Variants in NGDN observed in about 807,000 individuals in gnomAD.
NGDN encodes EIF4E-binding protein.
A neutral mutation model predicts 45.2 loss-of-function variants in NGDN; 41 were observed. The observed-to-expected ratio is 0.91, with a 90% CI of 0.71 to 1.18. The LOEUF is 1.18. Among genes scored for constraint, NGDN ranks in the 50% most tolerant of loss-of-function variants. NGDN has a pLI of 0.00. For missense variants in NGDN, 402 were observed against 399.9 expected, an observed-to-expected ratio of 1.01 and a Z score of -0.05; for synonymous variants, 137 against 130.9, an observed-to-expected ratio of 1.05 and a Z score of -0.32.
At position 23,470,066 on chromosome 14, in the gene NGDN, A is replaced by G; in HGVS notation, c.37A>G (p.Ser13Gly). 1 of 1,614,110 alleles carries G rather than the reference A, an allele frequency of 6.2e-7. No individual in the cohort carries two copies. The highest frequency in any genetic ancestry group is 1.7e-5 in the Admixed American group (1 of 60,014). Residue 13 changes from serine to glycine, a missense_variant, in exon 2 of 11, where the codon AGT (serine) becomes GGT (glycine). Physicochemically the swap from Ser to Gly is moderately conservative, Grantham distance 56. Coordinates refer to ENST00000408901, the MANE Select transcript of NGDN (RefSeq NM_001042635.2). ...GGGGGTGCTGGAGTCCGACCTGCCA[A>G]GTGCCGTGACACTTCTGAAAAATCT... is the stretch of plus-strand genomic sequence containing the variant. Reference protein sequence around the residue: ...ALGVLESDLPSAVTLLKNLQE... With the variant: ...ALGVLESDLPGAVTLLKNLQE...
At chr14:23,477,851 T>G (rs1477647587) in intron 10 of NGDN, 156 bp from the exon 11 acceptor site, 2 of 1,507,786 alleles carry the variant, frequency 1.3e-6, no homozygotes, top group Non-Finnish European at 1.8e-6. Flanking sequence ...ATTTCAATTT[T>G]ATTCCTACTT....
In NGDN at chr14:23,475,539, A is replaced by T. The variant is rs1184429111; in HGVS notation, c.283-19A>T. The T allele has an allele frequency of 6.2e-7, 1 of 1,611,086 alleles. No homozygotes were observed. ...ATTTTGGGAAGGAAATATAATCCTG[A>T]TTAACTACCATGTTGTAGGTTTTGG... is the stretch of plus-strand genomic sequence containing the variant. On this transcript the variant is annotated intron_variant, in intron 4 of 10. Transcript: ENST00000408901.
chr14:23,477,141 G>A, intron 8 of NGDN, 59 bp from the exon 9 acceptor site: 2 of 1,567,164 alleles, frequency 1.3e-6, no homozygotes, highest in Non-Finnish European at 1.7e-6. Flanking sequence ...CCCAGGTTGT[G>A]GGCTGGAGCT....
At position 23,475,661 on chromosome 14, in the gene NGDN, A is replaced by G. The variant is rs45483991; in HGVS notation, c.367+19A>G. On this transcript the variant is annotated intron_variant, in intron 5 of 10. Transcript: ENST00000408901. ...AGCCTTAGTAAGTGAGGAGACCATCATGAAGTTGTGGGGACCATCAGAAAG... is the reference window on the plus strand; with the variant it reads ...AGCCTTAGTAAGTGAGGAGACCATCGTGAAGTTGTGGGGACCATCAGAAAG... The G allele has an allele frequency of 0.023, 37,838 of 1,613,892 alleles. 516 individuals carry two copies. Among genetic ancestry groups the G allele is most frequent in the Non-Finnish European group, 0.028 (32,547 of 1,179,734 alleles).
At chr14:23,477,881 A>G in intron 10 of NGDN, 126 bp from the exon 11 acceptor site, 1 of 1,571,300 alleles carries the variant, frequency 6.4e-7, no homozygotes, top group South Asian at 1.2e-5. Flanking sequence ...TGTCCTGGGA[A>G]GATATTCAGG....
chr14:23,478,314 CA>C, downstream of NGDN: 1 of 361,762 alleles, frequency 2.8e-6, no homozygotes, highest in Non-Finnish European at 5.0e-6. Flanking sequence ...ATATTTTTCC[CA>C]AAAACTAAAA....
intron 3 of NGDN, among the ~76,000 whole-genome samples, chr14:23,471,993 C>A (rs1893788160): frequency 6.6e-6 from 1 of 151,440 alleles, no homozygotes; most frequent in Non-Finnish European, 1.5e-5. Context: ...GGGTTTGAGA[C>A]CAGCCTGGGC....
At chr14:23,475,683 A>C in intron 5 of NGDN, 41 bp downstream of exon 5, 1 of 1,613,946 alleles carries the variant, frequency 6.2e-7, no homozygotes, top group Non-Finnish European at 8.5e-7. Context: ...GGACCATCAG[A>C]AAGTTCCAAA....
At chr14:23,475,980 C>T (rs1325806309) in intron 6 of NGDN, 49 bp from the exon 7 acceptor site, 1 of 1,612,576 alleles carries the variant, frequency 6.2e-7, no homozygotes. Flanking sequence ...TTTCTTCTCA[C>T]TTATCTCATG....
At chr14:23,470,848 A>G (rs1893759967) in intron 2 of NGDN, 58 bp from the exon 3 acceptor site, 1 of 1,368,004 alleles carries the variant, frequency 7.3e-7, no homozygotes, top group South Asian at 1.3e-5. Context: ...TGCTCTTCAC[A>G]GTTTGCAGAC....
Position 23,470,273 on chromosome 14 carries a change from A to G in NGDN, c.72+172A>G, listed in dbSNP as rs1024635213. 42 of 589,678 alleles carry G rather than the reference A, an allele frequency of 7.1e-5. No individual in the cohort carries two copies. In the Middle Eastern group the frequency reaches 1.3e-3, roughly 18 times the overall value. 36.5% of individuals were successfully genotyped at this position (589,678 alleles called of 1,614,324 possible). On this transcript the variant is annotated intron_variant, in intron 2 of 10. Coordinates refer to ENST00000408901, the MANE Select transcript of NGDN (RefSeq NM_001042635.2). Reference sequence around the variant, plus strand: ...ATTCTAAGTAATTGATTCTGCACCCAAGGGAATACAAGAAACTCCAAAAAG... The same window carrying G: ...ATTCTAAGTAATTGATTCTGCACCCGAGGGAATACAAGAAACTCCAAAAAG...
chr14:23,470,850 T>C (rs948847688), intron 2 of NGDN, 56 bp from the exon 3 acceptor site: 27 of 1,388,648 alleles, frequency 1.9e-5, no homozygotes, highest in Non-Finnish European at 2.6e-5. Context: ...CTCTTCACAG[T>C]TTGCAGACAT....
chr14:23,477,384 A>G, intron 9 of NGDN, 28 bp downstream of exon 9: 1 of 1,613,586 alleles, frequency 6.2e-7, no homozygotes, highest in Non-Finnish European at 8.5e-7. Flanking sequence ...TTGTAGTAGG[A>G]TGTGACTTTC....
At chr14:23,474,269 A>C (rs1893848764) in intron 3 of NGDN, among the ~76,000 whole-genome samples, 1 of 152,102 alleles carries the variant, frequency 6.6e-6, no homozygotes, top group Non-Finnish European at 1.5e-5. Flanking sequence ...TACTTGTATT[A>C]CTGTGTTATC....
At position 23,475,167 on chromosome 14, in the gene NGDN, T is replaced by G. The variant is rs1439307343; in HGVS notation, c.145-4T>G. ...TGTTTTTCTTTCTGTTTTGTTCAAC[T>G]CAGGGTCTCAGCTTCTTGGAAGTGA... On this transcript the variant is annotated splice_polypyrimidine_tract_variant and splice_region_variant and intron_variant, in intron 3 of 10. Transcript: ENST00000408901. 6.2e-7 allele frequency: 1 copy of G among 1,610,208 alleles called. No individual in the cohort carries two copies. Among genetic ancestry groups the G allele is most frequent in the Non-Finnish European group, 8.5e-7 (1 of 1,178,884 alleles).
Position 23,475,639 on chromosome 14 carries a change from C to T in NGDN, c.364C>T (p.Leu122Phe). ...KLIKTAVTGSLSENDPLRFKP... is the reference protein window; with the variant it reads ...KLIKTAVTGSFSENDPLRFKP... ...GATCAAGACTGCAGTGACAGGCAGC[C>T]TTAGTAAGTGAGGAGACCATCATGA... The change falls in exon 5 of 11, where the codon CTT (leucine) becomes TTT (phenylalanine). Residue 122 changes from leucine (L) to phenylalanine (F), a missense_variant. Leu to Phe is a conservative substitution (Grantham distance 22). Coordinates refer to ENST00000408901, the MANE Select transcript of NGDN (RefSeq NM_001042635.2). 6.2e-7 allele frequency: 1 copy of T among 1,614,144 alleles called. No homozygotes were observed. The highest frequency in any genetic ancestry group is 8.5e-7 in the Non-Finnish European group (1 of 1,179,982).
At chr14:23,473,566 G>T (rs1893832504) in intron 3 of NGDN, among the ~76,000 whole-genome samples, 1 of 152,056 alleles carries the variant, frequency 6.6e-6, no homozygotes, top group Non-Finnish European at 1.5e-5. Context: ...GTGGGTCACG[G>T]CTGTAATCCC....
chr14:23,476,864 C>T (rs1423637971), intron 8 of NGDN, among the ~76,000 whole-genome samples: 1 of 152,136 alleles, frequency 6.6e-6, no homozygotes, highest in Non-Finnish European at 1.5e-5. Context: ...CAGGTGCAGT[C>T]TTTGCAGTTG....
At chr14:23,477,411 G>A in intron 9 of NGDN, 55 bp downstream of exon 9, 1 of 1,612,388 alleles carries the variant, frequency 6.2e-7, no homozygotes. Context: ...TCAGCAAAAT[G>A]TATGTGGGGC....
Sources: gnomAD v4.1 joint callset for allele counts (sites outside exome capture counted in the v4.1 genomes callset) on GRCh38, gnomAD v4.1.1 for gene constraint, MANE v1.5 for transcripts, NCBI Gene and HGNC (gene_info 2026-07-23, HGNC 2026-07-21) for gene names.